The following CELF2 variants were observed in gnomAD, a reference collection of about 807,000 sequenced individuals.
CELF2 encodes CUGBP Elav-like family member 2.
Under a neutral mutation model 62.6 loss-of-function variants are expected in CELF2, and 8 were observed. The ratio of observed to expected loss-of-function variants is 0.13; its 90% CI spans 0.07 to 0.23. The LOEUF is 0.23. Ranked by LOEUF, CELF2 falls within the 10% of genes least tolerant of loss-of-function variation. The probability of loss-of-function intolerance (pLI) is 1.00; values close to 1 mark genes in which losing one functional copy is unlikely to be tolerated. For synonymous variants in CELF2, 258 were observed against 250.0 expected (o/e 1.03, Z -0.30); for missense variants, 333 against 671.0 (o/e 0.50, Z 5.56).
chr10:11,276,293 A>C (rs2086105153), intron 8 of CELF2, among the ~76,000 whole-genome samples: 1 of 152,080 alleles, frequency 6.6e-6, no homozygotes, highest in African/African-American at 2.4e-5. Context: ...CCTGTAGTAA[A>C]AATACTGCTG....
the CELF2 span, among the ~76,000 whole-genome samples, chr10:10,793,132 A>C: frequency 6.6e-6 from 1 of 152,214 alleles, no homozygotes; most frequent in Non-Finnish European, 1.5e-5. Flanking sequence ...GAGGCCCTTC[A>C]GAATTTTTTC....
chr10:11,257,929 A>T lies in CELF2; in HGVS notation c.538+57A>T, dbSNP rs1395607960. ...TCAGTGCTAATTGGAGCTCTGTGTC[A>T]CAGTCGAGACAGATGTAGGCACCGC... is the stretch of plus-strand genomic sequence containing the variant. On this transcript the variant is annotated intron_variant, in intron 5 of 12. Transcript: ENST00000633077. 5.0e-6 allele frequency: 8 copies of T among 1,597,094 alleles called. No homozygotes were observed. In the Admixed American group the frequency reaches 1.3e-4, roughly 27 times the overall value.
intron 2 of CELF2, among the ~76,000 whole-genome samples, chr10:10,992,581 G>T (rs529967999): frequency 1.3e-5 from 2 of 152,282 alleles, no homozygotes; most frequent in South Asian, 4.1e-4. Flanking sequence ...TATAATAAAT[G>T]ATACAAGAGA....
chr10:10,621,445 G>C, the CELF2 span, among the ~76,000 whole-genome samples: 1 of 152,194 alleles, frequency 6.6e-6, no homozygotes, highest in African/African-American at 2.4e-5. Flanking sequence ...ACAAAGAAGC[G>C]TAGCATAGGT....
chr10:10,691,349 T>C, the CELF2 span, among the ~76,000 whole-genome samples: 10 of 149,534 alleles, frequency 6.7e-5, no homozygotes, highest in South Asian at 4.4e-4. Context: ...TCATTTTTTA[T>C]GGCTGCATAG....
At chr10:11,122,878 G>T (rs1434557857) in intron 1 of CELF2, among the ~76,000 whole-genome samples, 3 of 152,136 alleles carry the variant, frequency 2.0e-5, no homozygotes, top group African/African-American at 7.2e-5. Context: ...AGTATGTGTC[G>T]GGCACCTGGT....
At chr10:10,648,279 A>G in the CELF2 span, among the ~76,000 whole-genome samples, 3 of 152,168 alleles carry the variant, frequency 2.0e-5, no homozygotes, top group Non-Finnish European at 4.4e-5. Flanking sequence ...GGGAACCCGT[A>G]CCAGTATCCC....
At chr10:11,274,741 C>A (rs1052305738) in intron 7 of CELF2, among the ~76,000 whole-genome samples, 4 of 152,202 alleles carry the variant, frequency 2.6e-5, no homozygotes, top group Non-Finnish European at 4.4e-5. Flanking sequence ...GTTACGGTAA[C>A]TGCTAGACTA....
chr10:10,791,318 C>CA, the CELF2 span, among the ~76,000 whole-genome samples: 19,499 of 124,622 alleles, frequency 0.16, 1,664 homozygotes, highest in East Asian at 0.36. Context: ...TTTAATGTGG[C>CA]AAAAAAAAAA....
the CELF2 span, among the ~76,000 whole-genome samples, chr10:10,569,496 T>G: frequency 6.6e-6 from 1 of 152,124 alleles, no homozygotes; most frequent in Non-Finnish European, 1.5e-5. Context: ...GGAGCTACAA[T>G]TCAAGATGAG....
intron 1 of CELF2, among the ~76,000 whole-genome samples, chr10:11,121,741 A>C (rs1454026529): frequency 6.6e-6 from 1 of 152,060 alleles, no homozygotes; most frequent in Non-Finnish European, 1.5e-5. Flanking sequence ...TTGTGGAAAA[A>C]AATGCTTTTG....
At chr10:10,721,066 C>T in the CELF2 span, among the ~76,000 whole-genome samples, 4 of 152,206 alleles carry the variant, frequency 2.6e-5, no homozygotes, top group African/African-American at 9.6e-5. Context: ...AAAGCACTCT[C>T]GCACAGATTG....
At chr10:10,739,724 G>A in the CELF2 span, among the ~76,000 whole-genome samples, 2 of 152,002 alleles carry the variant, frequency 1.3e-5, no homozygotes, top group South Asian at 2.1e-4. Context: ...CCCAATTTTT[G>A]TAACAGTTCC....
intron 1 of CELF2, among the ~76,000 whole-genome samples, chr10:10,904,351 C>T (rs1335040870): frequency 6.6e-6 from 1 of 152,070 alleles, no homozygotes; most frequent in Non-Finnish European, 1.5e-5. Context: ...GTCTACCTCC[C>T]AAGTAGCTGG....
At chr10:10,690,314 G>C in the CELF2 span, among the ~76,000 whole-genome samples, 6 of 152,150 alleles carry the variant, frequency 3.9e-5, no homozygotes, top group Non-Finnish European at 7.3e-5. Context: ...TTGAGTTAGA[G>C]GCTTGAGTTT....
At chr10:10,684,828 C>T in the CELF2 span, among the ~76,000 whole-genome samples, 435 of 152,238 alleles carry the variant, frequency 2.9e-3, no homozygotes, top group Middle Eastern at 0.024. Flanking sequence ...TATTTTGAAG[C>T]TCCTAAATCT....
intron 3 of CELF2, among the ~76,000 whole-genome samples, chr10:11,221,006 G>A (rs1484110015): frequency 1.3e-5 from 2 of 152,232 alleles, no homozygotes; most frequent in Non-Finnish European, 2.9e-5. Context: ...GTGCTTTCAC[G>A]CTTTTCTGCT....
chr10:10,582,494 A>G, the CELF2 span, among the ~76,000 whole-genome samples: 6 of 152,220 alleles, frequency 3.9e-5, no homozygotes. Flanking sequence ...TTCTCACTTT[A>G]TAATTGAACA....
intron 1 of CELF2, among the ~76,000 whole-genome samples, chr10:11,160,562 C>T (rs2065465217): frequency 6.6e-6 from 1 of 150,956 alleles, no homozygotes; most frequent in South Asian, 2.1e-4. Context: ...TATCTAGTGG[C>T]CACCATATTG....
Sources: allele counts gnomAD v4.1 joint callset (sites outside exome capture counted in the v4.1 genomes callset), GRCh38; gene constraint gnomAD v4.1.1; transcripts MANE v1.5; gene names NCBI Gene and HGNC (gene_info 2026-07-23, HGNC 2026-07-21).